The following APC variants were observed in gnomAD, a reference collection of about 807,000 sequenced individuals.
APC encodes the protein APC regulator of Wnt signaling pathway, also known as adenomatous polyposis coli protein.
Under a neutral mutation model 247.0 loss-of-function variants are expected in APC, and 72 were observed. The ratio of observed to expected loss-of-function variants is 0.29; its 90% CI spans 0.24 to 0.35. The LOEUF is 0.35. Ranked by LOEUF, APC falls within the 10% of genes least tolerant of loss-of-function variation. APC has a pLI of 1.00. For synonymous variants in APC, 1,254 were observed against 1,162.5 expected, an observed-to-expected ratio of 1.08 and a Z score of -1.60; for missense variants, 3,400 against 3,360.7, an observed-to-expected ratio of 1.01 and a Z score of -0.29.
rs778471612 is a variant in APC, at chr5:112,842,701, A to G, written c.7107A>G (p.Pro2369=). ...CTGGAAAAATGTCATATACATCTCC[A>G]GGTAGACAGATGAGCCAACAGAACC... ...SGSGKMSYTS[P]GRQMSQQNLT... is the part of the protein sequence containing the mutation. The change falls in exon 16 of 16, where the codon CCA becomes CCG. Residue 2369 remains proline (P), a synonymous_variant. Coordinates refer to ENST00000257430, the MANE Select transcript of APC (RefSeq NM_000038.6). 23 of 1,613,260 alleles carry G rather than the reference A, an allele frequency of 1.4e-5. No homozygotes were observed. Among genetic ancestry groups the G allele is most frequent in the Non-Finnish European group, 1.9e-5 (22 of 1,179,342 alleles).
chr5:112,840,577 A>T lies in APC; in HGVS notation c.4983A>T (p.Thr1661=), dbSNP rs1765819907. 6.2e-7 allele frequency: 1 copy of T among 1,614,144 alleles called. No homozygotes were observed. ...CAGCTACATCTCTAAGTGATCTAAC[A>T]ATCGAATCCCCTCCAAATGAGTTAG... ...FSTATSLSDL[T]IESPPNELAA... Residue 1661 remains threonine, a synonymous_variant, in exon 16 of 16, where the codon ACA becomes ACT. Coordinates refer to ENST00000257430, the MANE Select transcript of APC (RefSeq NM_000038.6). This position sits in a 1 kb window ranked among gnomAD's most constrained non-coding sequence, Gnocchi z 4.1.
chr5:112,741,291 A>G (rs1752985490), intron 1 of APC, among the ~76,000 whole-genome samples: 1 of 152,214 alleles, frequency 6.6e-6, no homozygotes, highest in Non-Finnish European at 1.5e-5. Flanking sequence ...TTAGAAGAAT[A>G]TGGTGGATTG....
intron 1 of APC, among the ~76,000 whole-genome samples, chr5:112,747,847 A>G (rs1220411305): frequency 6.6e-6 from 1 of 152,226 alleles, no homozygotes; most frequent in African/African-American, 2.4e-5. Flanking sequence ...TAATTTTAGT[A>G]TTAGGAATTT....
rs1170745005 is a variant in APC at position 112,843,578 on chromosome 5, G to C, written c.7984G>C (p.Glu2662Gln). ...AACAGAGGATGTTTGGGTGAGAATT[G>C]AGGACTGTCCCATTAACAATCCTAG... ...SKTEDVWVRIEDCPINNPRSG... is the reference protein window; with the variant it reads ...SKTEDVWVRIQDCPINNPRSG... The change falls in exon 16 of 16, where the codon GAG becomes CAG. Residue 2662 changes from glutamate to glutamine, a missense_variant. Physicochemically the swap from Glu to Gln is conservative, Grantham distance 29 (BLOSUM62 2). Transcript: ENST00000257430. The surrounding 1 kb of genome is among the most constrained non-coding windows in gnomAD (Gnocchi z 4.8). The C allele has an allele frequency of 6.2e-7, 1 of 1,613,928 alleles. No homozygotes were observed. The highest frequency in any genetic ancestry group is 1.7e-5 in the Admixed American group (1 of 60,016).
At chr5:112,714,870 C>G (rs990103145) in intron 1 of APC, among the ~76,000 whole-genome samples, 1 of 152,080 alleles carries the variant, frequency 6.6e-6, no homozygotes, top group Non-Finnish European at 1.5e-5. Flanking sequence ...GTCTGGAATA[C>G]TGTCTGGCAT....
At chr5:112,767,567 T>C (rs1028249515) in intron 4 of APC, among the ~76,000 whole-genome samples, 177 bp downstream of exon 4, 1 of 152,202 alleles carries the variant, frequency 6.6e-6, no homozygotes, top group African/African-American at 2.4e-5. Flanking sequence ...TCTAAAAATA[T>C]AAACAAGGCC....
In APC at chr5:112,844,192, T is replaced by A. The variant is rs1766782083; in HGVS notation, c.*66T>A. The A allele has an allele frequency of 6.9e-7, 1 of 1,450,828 alleles. No homozygotes were observed. The highest frequency in any genetic ancestry group is 9.4e-7 in the Non-Finnish European group (1 of 1,059,128). The allele number at this position is 1,450,828 out of a possible 1,614,324, so 89.9% of individuals were successfully genotyped here. On this transcript the variant is annotated 3_prime_UTR_variant, in exon 16 of 16. Transcript: ENST00000257430. ...ACAACTGCTATATAGACATTTTGTTTCAAATGAAACTTTAAAAGACTGAAA... is the reference window on the plus strand; with the variant it reads ...ACAACTGCTATATAGACATTTTGTTACAAATGAAACTTTAAAAGACTGAAA...
rs78925910 is a variant in APC at position 112,780,636 on chromosome 5, T to C, written c.532-154T>C. Among the ~76,000 whole-genome samples, 520 of 152,318 alleles carry C rather than the reference T, an allele frequency of 3.4e-3. 4 individuals are homozygous for C. Among genetic ancestry groups the C allele is most frequent in the Non-Finnish European group, 3.9e-3 (267 of 68,010 alleles). ...TGAGTCTGACACCTATAATCAAATT[T>C]AAACACTCCTTGGAGTAAAAAATAA... On this transcript the variant is annotated intron_variant, in intron 5 of 15. Transcript: ENST00000257430.
intron 1 of APC, among the ~76,000 whole-genome samples, chr5:112,747,280 A>T (rs1158249631): frequency 6.6e-6 from 1 of 152,212 alleles, no homozygotes; most frequent in African/African-American, 2.4e-5. Flanking sequence ...CAGAGGCTAA[A>T]TTATTCATGA....
At chr5:112,741,609 T>A (rs1167151615) in intron 1 of APC, among the ~76,000 whole-genome samples, 2 of 152,224 alleles carry the variant, frequency 1.3e-5, no homozygotes, top group East Asian at 3.8e-4. Flanking sequence ...TAAAAAAATT[T>A]TATTGTGATA....
chr5:112,772,030 A>G (rs1341441634), intron 4 of APC, among the ~76,000 whole-genome samples: 1 of 152,328 alleles, frequency 6.6e-6, no homozygotes, highest in African/African-American at 2.4e-5. Context: ...TGCCCAGTAC[A>G]TACAGCATTC....
chr5:112,744,990 G>A (rs1342769932), intron 1 of APC, among the ~76,000 whole-genome samples: 1 of 152,128 alleles, frequency 6.6e-6, no homozygotes, highest in East Asian at 1.9e-4. Flanking sequence ...AGGTGGTTGT[G>A]AGGATTAAAT....
intron 1 of APC, among the ~76,000 whole-genome samples, chr5:112,740,632 GCTCCCA>G (rs1752905259): frequency 6.8e-6 from 1 of 146,796 alleles, no homozygotes; most frequent in African/African-American, 2.5e-5. Flanking sequence ...CTCAAGTGAT[GCTCCCA>G]CTTCAGCCCT....
At chr5:112,818,868 T>TTTTGAGTTATAGTAAATATCCCA in intron 9 of APC, 98 bp from the exon 10 acceptor site, 2 of 1,374,182 alleles carry the variant, frequency 1.5e-6, no homozygotes, top group South Asian at 1.2e-5. Context: ...GTTTTGTTTT[T>TTTTGAGTTATAGTAAATATCCCA]TTAGAGTTAT....
chr5:112,739,936 A>G (rs1291108757), intron 1 of APC, among the ~76,000 whole-genome samples: 1 of 152,224 alleles, frequency 6.6e-6, no homozygotes. Flanking sequence ...AGAGACTCCT[A>G]TTCAAGTATG....
At chr5:112,804,611 C>T (rs1456675080) in intron 8 of APC, among the ~76,000 whole-genome samples, 2 of 152,174 alleles carry the variant, frequency 1.3e-5, no homozygotes, top group African/African-American at 4.8e-5. Flanking sequence ...ATCTCTTGAC[C>T]TCGTGATCCT....
intron 2 of APC, among the ~76,000 whole-genome samples, chr5:112,758,419 C>T (rs1755238692): frequency 6.6e-6 from 1 of 152,108 alleles, no homozygotes; most frequent in Non-Finnish European, 1.5e-5. Flanking sequence ...CTCCGCCTCC[C>T]GGGTTCAAGC....
intron 15 of APC, among the ~76,000 whole-genome samples, chr5:112,836,883 T>G (rs1211226156): frequency 6.6e-6 from 1 of 151,916 alleles, no homozygotes; most frequent in Non-Finnish European, 1.5e-5. Flanking sequence ...GTATTTTTAG[T>G]AGAGACAGGG....
chr5:112,783,070 G>A (rs894024563), intron 6 of APC, among the ~76,000 whole-genome samples: 27 of 152,242 alleles, frequency 1.8e-4, no homozygotes, highest in Middle Eastern at 3.4e-3. Context: ...ACATAAGTTA[G>A]TTTTTCTGTG....
Sources: gnomAD v4.1 joint callset for allele counts (sites outside exome capture counted in the v4.1 genomes callset) on GRCh38, gnomAD v4.1.1 for gene constraint, Gnocchi (gnomAD v3.1) non-coding constraint, MANE v1.5 for transcripts, NCBI Gene and HGNC (gene_info 2026-07-23, HGNC 2026-07-21) for gene names.